Variants in SLC24A3 observed in about 807,000 individuals in gnomAD.
The protein encoded by SLC24A3 is solute carrier family 24 member 3, also known as sodium/potassium/calcium exchanger 3.
A neutral mutation model predicts 75.8 loss-of-function variants in SLC24A3; 28 were observed. The ratio of observed to expected loss-of-function variants is 0.37; its 90% CI spans 0.27 to 0.51. The LOEUF (loss-of-function observed/expected upper bound fraction) is 0.51. Among genes scored for constraint, SLC24A3 ranks in the 20% least tolerant of loss-of-function variants. The probability of loss-of-function intolerance (pLI) is 0.94; values close to 1 mark genes in which losing one functional copy is unlikely to be tolerated. For synonymous variants in SLC24A3, 372 were observed against 334.1 expected (o/e 1.11, Z -1.24); for missense variants, 663 against 847.8 (o/e 0.78, Z 2.71).
intron 7 of SLC24A3, among the ~76,000 whole-genome samples, chr20:19,665,652 A>G (rs1393490869): frequency 1.3e-5 from 2 of 152,170 alleles, no homozygotes; most frequent in East Asian, 1.9e-4. Context: ...TGATCTACCA[A>G]CACCTCCTTC....
At chr20:19,596,570 T>G (rs949905509) in intron 6 of SLC24A3, among the ~76,000 whole-genome samples, 2 of 152,108 alleles carry the variant, frequency 1.3e-5, no homozygotes, top group African/African-American at 4.8e-5. Flanking sequence ...AGATTTTAAT[T>G]AAAAGTTGTT....
chr20:19,320,376 C>T lies in SLC24A3; in HGVS notation c.271+39289C>T, dbSNP rs574245299. 4.3e-4 allele frequency among the ~76,000 whole-genome samples: 66 copies of T among 152,114 alleles called. No homozygotes were observed. In the Middle Eastern group the frequency reaches 0.017, roughly 39 times the overall value. ...CATTTAAGAGATTGATGCTGAATTGCTATTCTGGAGCTCTTGGGTTTGGGC... is the reference window on the plus strand; with the variant it reads ...CATTTAAGAGATTGATGCTGAATTGTTATTCTGGAGCTCTTGGGTTTGGGC... On this transcript the variant is annotated intron_variant, in intron 2 of 16. Coordinates refer to ENST00000328041, the MANE Select transcript of SLC24A3 (RefSeq NM_020689.4).
intron 15 of SLC24A3, among the ~76,000 whole-genome samples, chr20:19,709,499 A>G (rs2122163468): frequency 6.6e-6 from 1 of 152,156 alleles, no homozygotes; most frequent in Non-Finnish European, 1.5e-5. Flanking sequence ...GCACACACCT[A>G]TAGTCCCAGC....
At chr20:19,494,022 C>T (rs1007139612) in intron 2 of SLC24A3, among the ~76,000 whole-genome samples, 3 of 152,174 alleles carry the variant, frequency 2.0e-5, no homozygotes, top group Non-Finnish European at 4.4e-5. Flanking sequence ...TCCTTCCGGG[C>T]GGCTCCCCAG....
intron 2 of SLC24A3, among the ~76,000 whole-genome samples, chr20:19,368,152 G>A (rs1985929760): frequency 6.6e-6 from 1 of 150,678 alleles, no homozygotes; most frequent in African/African-American, 2.5e-5. Flanking sequence ...AACATGTTGG[G>A]GGCAGTTGGT....
intron 7 of SLC24A3, among the ~76,000 whole-genome samples, chr20:19,660,187 A>G (rs1191297276): frequency 6.6e-6 from 1 of 151,904 alleles, no homozygotes; most frequent in Non-Finnish European, 1.5e-5. Context: ...GGTTACATGG[A>G]TGAATTATAT....
At chr20:19,305,026 C>T (rs1026577120) in intron 2 of SLC24A3, among the ~76,000 whole-genome samples, 4 of 152,114 alleles carry the variant, frequency 2.6e-5, no homozygotes, top group Non-Finnish European at 5.9e-5. Flanking sequence ...TCACATCAGG[C>T]CCAAGTGGGA....
At chr20:19,403,744 G>C (rs1986592351) in intron 2 of SLC24A3, among the ~76,000 whole-genome samples, 1 of 152,142 alleles carries the variant, frequency 6.6e-6, no homozygotes, top group African/African-American at 2.4e-5. Context: ...ACAGCATGCG[G>C]ACTGGCCCTG....
At chr20:19,519,705 T>C (rs905238393) in intron 3 of SLC24A3, among the ~76,000 whole-genome samples, 24 of 152,356 alleles carry the variant, frequency 1.6e-4, no homozygotes, top group Admixed American at 1.5e-3. Flanking sequence ...TATAGATTCA[T>C]TGAGCCTGTG....
chr20:19,303,352 T>G (rs1417518876), intron 2 of SLC24A3, among the ~76,000 whole-genome samples: 2 of 152,224 alleles, frequency 1.3e-5, no homozygotes, highest in African/African-American at 4.8e-5. Context: ...GTTCTTTTCT[T>G]ACGGCTGCAT....
intron 2 of SLC24A3, among the ~76,000 whole-genome samples, chr20:19,373,239 TA>T (rs1986021858): frequency 6.6e-6 from 1 of 152,162 alleles, no homozygotes; most frequent in African/African-American, 2.4e-5. Context: ...TTCTGCAACC[TA>T]AATTTTCCTT....
At chr20:19,589,667 C>G (rs1008688171) in intron 6 of SLC24A3, among the ~76,000 whole-genome samples, 7 of 152,202 alleles carry the variant, frequency 4.6e-5, no homozygotes, top group Admixed American at 4.6e-4. Context: ...AGGGCCAGGA[C>G]ATCTTGCATT....
chr20:19,446,839 C>T (rs542472572), intron 2 of SLC24A3, among the ~76,000 whole-genome samples: 13 of 152,316 alleles, frequency 8.5e-5, no homozygotes, highest in Middle Eastern at 3.4e-3. Flanking sequence ...AAGGCTTTCG[C>T]GTGCACCTGC....
chr20:19,248,686 A>T (rs915386085), intron 1 of SLC24A3, among the ~76,000 whole-genome samples: 1 of 152,096 alleles, frequency 6.6e-6, no homozygotes, highest in African/African-American at 2.4e-5. Context: ...TGTTGAAGGG[A>T]TATGCACATT....
intron 2 of SLC24A3, among the ~76,000 whole-genome samples, chr20:19,428,053 G>T (rs373038086): frequency 2.6e-5 from 4 of 152,194 alleles, no homozygotes; most frequent in African/African-American, 9.7e-5. Context: ...GAAGTCCAAC[G>T]TTTGGTTTGG....
At chr20:19,328,185 G>A (rs1308235348) in intron 2 of SLC24A3, among the ~76,000 whole-genome samples, 19 of 152,064 alleles carry the variant, frequency 1.2e-4, no homozygotes, top group Admixed American at 1.2e-3. Flanking sequence ...CCAGAGAATG[G>A]CACAGAGGGT....
intron 13 of SLC24A3, among the ~76,000 whole-genome samples, chr20:19,696,154 A>G (rs1359863832): frequency 2.6e-5 from 4 of 151,438 alleles, no homozygotes; most frequent in African/African-American, 9.7e-5. Context: ...AGGAGCTGGG[A>G]CCACAGACAT....
At chr20:19,691,496 A>G (rs1260339712) in intron 12 of SLC24A3, among the ~76,000 whole-genome samples, 2 of 152,298 alleles carry the variant, frequency 1.3e-5, no homozygotes, top group East Asian at 1.9e-4. Flanking sequence ...AGTGGAGGCC[A>G]GTGGAAGGTT....
At chr20:19,540,486 A>G (rs2030476310) in intron 3 of SLC24A3, among the ~76,000 whole-genome samples, 1 of 152,210 alleles carries the variant, frequency 6.6e-6, no homozygotes, top group Non-Finnish European at 1.5e-5. Flanking sequence ...TTGGAAACGC[A>G]AAAGCTGTTC....
Sources: gnomAD v4.1 joint callset for allele counts (sites outside exome capture counted in the v4.1 genomes callset) on GRCh38, gnomAD v4.1.1 for gene constraint, MANE v1.5 for transcripts, NCBI Gene and HGNC (gene_info 2026-07-23, HGNC 2026-07-21) for gene names.